DHX36: variants seen among roughly 807,000 people sequenced by gnomAD.
DHX36 encodes the protein DEAH-box helicase 36.
DHX36 carries 50 observed loss-of-function variants against 139.0 expected under a neutral mutation model. The ratio of observed to expected loss-of-function variants is 0.36; its 90% CI spans 0.29 to 0.46. The LOEUF is 0.46. DHX36 is among the 20% of genes least tolerant of loss of function. The pLI, the probability that DHX36 is intolerant of heterozygous loss-of-function variation, is 1.00. For missense variants in DHX36, 1,024 were observed against 1,211.3 expected, an observed-to-expected ratio of 0.85 and a Z score of 2.29; for synonymous variants, 425 against 401.9, an observed-to-expected ratio of 1.06 and a Z score of -0.69.
intron 15 of DHX36, among the ~76,000 whole-genome samples, chr3:154,291,173 T>C (rs1711794789): frequency 7.1e-6 from 1 of 141,194 alleles, no homozygotes; most frequent in African/African-American, 2.6e-5. Flanking sequence ...AGTACCTCCA[T>C]TGAAAGCCAC....
chr3:154,295,557 C>G (rs1712009316), intron 12 of DHX36, among the ~76,000 whole-genome samples: 1 of 152,140 alleles, frequency 6.6e-6, no homozygotes, highest in Non-Finnish European at 1.5e-5. Context: ...TACATACAAA[C>G]AGACCAACTT....
At chr3:154,303,858 T>C (rs764915992) in intron 8 of DHX36, among the ~76,000 whole-genome samples, 1 of 152,204 alleles carries the variant, frequency 6.6e-6, no homozygotes, top group Non-Finnish European at 1.5e-5. Flanking sequence ...AAATAGATTG[T>C]TACTATTTCA....
Position 154,316,112 on chromosome 3 carries a change from G to A in DHX36, c.295C>T (p.Leu99=), listed in dbSNP as rs780565013. The A allele has an allele frequency of 1.2e-6, 2 of 1,613,280 alleles. No homozygotes were observed. Among genetic ancestry groups the A allele is most frequent in the Admixed American group, 3.3e-5 (2 of 59,934 alleles). The change falls in exon 2 of 25, where the codon CTG becomes TTG. Residue 99 remains leucine, a synonymous_variant. Transcript: ENST00000496811. ...ERREEQIVQL[L]NSVQAKNDKE... is the part of the protein sequence containing the mutation. ...TCATTCTTCGCTTGAACAGAATTCA[G>A]TAACTGTACAATTTGTTCTTCTCGT... is the stretch of plus-strand genomic sequence containing the variant.
At chr3:154,300,901 G>C in intron 10 of DHX36, 86 bp downstream of exon 10, 1 of 1,545,052 alleles carries the variant, frequency 6.5e-7, no homozygotes, top group South Asian at 1.2e-5. Context: ...CTTTAAGTAC[G>C]TACAGATTCA....
chr3:154,299,049 A>G (rs28630834), intron 12 of DHX36, among the ~76,000 whole-genome samples: 40,381 of 152,084 alleles, frequency 0.27, 6,416 homozygotes, highest in South Asian at 0.41. Context: ...AGATGGGAGG[A>G]TCACTTCAGG....
intron 5 of DHX36, among the ~76,000 whole-genome samples, chr3:154,308,352 T>C (rs542196044): frequency 1.3e-5 from 2 of 152,340 alleles, no homozygotes; most frequent in East Asian, 3.9e-4. Context: ...ACAGATTCTA[T>C]ATTAAATGAC....
intron 4 of DHX36, among the ~76,000 whole-genome samples, chr3:154,310,793 AAAAAAAAAAAAAAATATATATATATATAT>A (rs1206961847): frequency 6.5e-4 from 23 of 35,618 alleles, no homozygotes; most frequent in Non-Finnish European, 1.0e-3. Flanking sequence ...AAAAAAAAAA[AAAAAAAAAAAAAAATATATATATATATAT>A]ATATATATAT....
intron 1 of DHX36, chr3:154,319,044 A>G (rs1445226689): frequency 2.0e-5 from 3 of 152,124 alleles, no homozygotes; most frequent in Admixed American, 6.6e-5. Context: ...TCTCCCCACA[A>G]TGAGTTTCTG....
rs113478203 is a variant in DHX36 at position 154,304,647 on chromosome 3, C to T, written c.1135+159G>A. Among the ~76,000 whole-genome samples, 524 of 152,136 alleles carry T rather than the reference C, an allele frequency of 3.4e-3. 3 individuals carry two copies. Among genetic ancestry groups the T allele is most frequent in the African/African-American group, 0.012 (501 of 41,502 alleles). On this transcript the variant is annotated intron_variant, in intron 8 of 24. Transcript: ENST00000496811. ...GATGATGCCACCATTTAAAAATAGA[C>T]CCAATTGTCTAATCCATGAAACTGG...
chr3:154,280,771 A>G lies in DHX36; in HGVS notation c.2468T>C (p.Ile823Thr). Reference sequence around the variant, plus strand: ...TGTGTTTCCTGCTGTACCTGAATTTATATTAGATTCTGGATCTTTAGGATT... The same window carrying G: ...TGTGTTTCCTGCTGTACCTGAATTTGTATTAGATTCTGGATCTTTAGGATT... ...SRNPKDPESN[I>T]NSDNEKIIKA... is the part of the protein sequence containing the mutation. The change falls in exon 21 of 25, where the codon ATA becomes ACA. Residue 823 changes from isoleucine to threonine, a missense_variant. Transcript: ENST00000496811. The G allele has an allele frequency of 6.2e-7, 1 of 1,613,260 alleles. No individual in the cohort carries two copies. Among genetic ancestry groups the G allele is most frequent in the Non-Finnish European group, 8.5e-7 (1 of 1,179,478 alleles).
chr3:154,280,948 TA>T, intron 20 of DHX36, 86 bp from the exon 21 acceptor site: 1 of 990,748 alleles, frequency 1.0e-6, no homozygotes, highest in Non-Finnish European at 1.5e-6. Flanking sequence ...AATTGAGTTG[TA>T]AGCTATCCCT....
At chr3:154,304,157 G>A (rs1014147493) in intron 8 of DHX36, among the ~76,000 whole-genome samples, 9 of 152,150 alleles carry the variant, frequency 5.9e-5, no homozygotes, top group Non-Finnish European at 1.2e-4. Context: ...TTAAAAAGCT[G>A]ATGACAAGAA....
intron 1 of DHX36, among the ~76,000 whole-genome samples, chr3:154,322,744 T>A (rs1713240636): frequency 1.3e-5 from 2 of 152,256 alleles, no homozygotes; most frequent in South Asian, 4.1e-4. Flanking sequence ...TATTATTTTC[T>A]CAGCTAGACT....
chr3:154,300,534 G>C lies in DHX36; in HGVS notation c.1461+60C>G, dbSNP rs1712225210. On this transcript the variant is annotated intron_variant, in intron 11 of 24. Coordinates refer to ENST00000496811, the MANE Select transcript of DHX36 (RefSeq NM_020865.3). ...ATTTAAGAAAACTGTATTTTTCATG[G>C]CCTTGATACGTTAATAAAATTAAAA... 7 of 1,319,862 alleles carry C rather than the reference G, an allele frequency of 5.3e-6. No individual in the cohort carries two copies. In the South Asian group the frequency reaches 6.2e-5, roughly 12 times the overall value. The allele number at this position is 1,319,862 out of a possible 1,614,324, so 81.8% of individuals were successfully genotyped here.
At chr3:154,291,676 G>A (rs1002341124) in intron 15 of DHX36, among the ~76,000 whole-genome samples, 4 of 152,158 alleles carry the variant, frequency 2.6e-5, no homozygotes, top group South Asian at 2.1e-4. Flanking sequence ...AACTTAAAAC[G>A]AGGGGTTGAT....
chr3:154,324,285 C>T lies in DHX36; in HGVS notation c.132G>A (p.Gly44=). The change falls in exon 1 of 25, where the codon GGG becomes GGA. Residue 44 remains glycine (G), a synonymous_variant. Transcript: ENST00000496811. ...GCCGGCCCCTGCCGCCTCGACCACC[C>T]CCTCCGCCGCCGCCGCCTCCTCCGG... is the stretch of plus-strand genomic sequence containing the variant. The part of the protein sequence containing the change: ...RGSGGGGGGG[G]GGRGGRGRHP... 1 of 1,612,962 alleles carries T rather than the reference C, an allele frequency of 6.2e-7. No individual in the cohort carries two copies. Among genetic ancestry groups the T allele is most frequent in the Non-Finnish European group, 8.5e-7 (1 of 1,179,500 alleles).
At chr3:154,324,088 G>A in intron 1 of DHX36, 86 bp downstream of exon 1, 1 of 1,429,272 alleles carries the variant, frequency 7.0e-7, no homozygotes, top group Non-Finnish European at 9.5e-7. Context: ...CATCACTTAA[G>A]AAACAAAACC....
Position 154,317,273 on chromosome 3 carries a change from T to C in DHX36, c.244-1110A>G, listed in dbSNP as rs907490901. Among the ~76,000 whole-genome samples the C allele has an allele frequency of 2.6e-5, 4 of 152,038 alleles. 1 individual carries two copies. The highest frequency in any genetic ancestry group is 6.6e-5 in the Admixed American group (1 of 15,266). On this transcript the variant is annotated intron_variant, in intron 1 of 24. Coordinates refer to ENST00000496811, the MANE Select transcript of DHX36 (RefSeq NM_020865.3). Reference sequence around the variant, plus strand: ...ACAATAGGATGCTAAGTTTGGATTTTAGGCAATTAAGAACAAAGATGAAAT... The same window carrying C: ...ACAATAGGATGCTAAGTTTGGATTTCAGGCAATTAAGAACAAAGATGAAAT...
Position 154,276,304 on chromosome 3 carries a change from T to A in DHX36, c.2894A>T (p.His965Leu). The change falls in exon 25 of 25, where the codon CAT becomes CTT. Residue 965 changes from histidine (H) to leucine (L), a missense_variant. His to Leu is a moderately conservative substitution (Grantham distance 99). Coordinates refer to ENST00000496811, the MANE Select transcript of DHX36 (RefSeq NM_020865.3). ...TTTAGTGTCATTCCAGTCTACAGGA[T>A]GAGGACTTTCAATCTTCTCTTGCAG... ...ILLQEKIESPHPVDWNDTKSR... is the reference protein window; with the variant it reads ...ILLQEKIESPLPVDWNDTKSR... 2 of 1,613,808 alleles carry A rather than the reference T, an allele frequency of 1.2e-6. No homozygotes were observed. Among genetic ancestry groups the A allele is most frequent in the Non-Finnish European group, 1.7e-6 (2 of 1,179,952 alleles).
Sources: gnomAD v4.1 joint callset for allele counts (sites outside exome capture counted in the v4.1 genomes callset) on GRCh38, gnomAD v4.1.1 for gene constraint, MANE v1.5 for transcripts, NCBI Gene and HGNC (gene_info 2026-07-23, HGNC 2026-07-21) for gene names.